Variants in MGAT4C observed in about 807,000 individuals in gnomAD.
The protein encoded by MGAT4C is alpha-1,3-mannosyl-glycoprotein 4-beta-N-acetylglucosaminyltransferase C.
Under a neutral mutation model 40.1 loss-of-function variants are expected in MGAT4C, and 19 were observed. That is an observed-to-expected ratio of 0.47 (90% CI 0.33 to 0.70). The LOEUF (loss-of-function observed/expected upper bound fraction) is 0.70, where lower values mean the gene tolerates loss of function less well. Ranked by LOEUF, MGAT4C falls within the 30% of genes least tolerant of loss-of-function variation. The pLI, the probability that MGAT4C is intolerant of heterozygous loss-of-function variation, is 0.02. For missense variants in MGAT4C, 491 were observed against 563.2 expected, an observed-to-expected ratio of 0.87 and a Z score of 1.30; for synonymous variants, 181 against 187.1, an observed-to-expected ratio of 0.97 and a Z score of 0.27.
intron 1 of MGAT4C, among the ~76,000 whole-genome samples, chr12:86,240,016 T>TA (rs1302243229): frequency 6.9e-5 from 7 of 101,584 alleles, no homozygotes; most frequent in Non-Finnish European, 1.3e-4. Context: ...CCCTAAAACT[T>TA]AGAGTATAAT....
At chr12:86,207,454 C>CA (rs1950301133) in intron 1 of MGAT4C, among the ~76,000 whole-genome samples, 1 of 151,960 alleles carries the variant, frequency 6.6e-6, no homozygotes, top group Non-Finnish European at 1.5e-5. Flanking sequence ...CCTCGACCCC[C>CA]CGACAGGCCT....
intron 1 of MGAT4C, among the ~76,000 whole-genome samples, chr12:86,759,837 G>A (rs1398524013): frequency 1.3e-5 from 2 of 151,940 alleles, no homozygotes; most frequent in Non-Finnish European, 2.9e-5. Flanking sequence ...CATTGTGTAG[G>A]TTGCCTCTTT....
intron 1 of MGAT4C, among the ~76,000 whole-genome samples, chr12:86,818,647 G>A (rs1952648650): frequency 1.3e-5 from 2 of 148,778 alleles, no homozygotes; most frequent in Admixed American, 1.4e-4. Context: ...ATTCAACAGG[G>A]AAAAAAATAA....
chr12:86,599,597 G>A (rs937703052), intron 2 of MGAT4C: 5 of 152,110 alleles, frequency 3.3e-5, no homozygotes, highest in African/African-American at 1.2e-4. Context: ...GTGCTTTACA[G>A]TCTAAAGTAT....
intron 2 of MGAT4C, among the ~76,000 whole-genome samples, chr12:86,625,592 A>C (rs780799198): frequency 6.6e-6 from 1 of 152,130 alleles, no homozygotes; most frequent in Non-Finnish European, 1.5e-5. Context: ...ATGAATAAAG[A>C]GAATGAACAC....
chr12:86,304,827 G>T (rs1225629807), intron 4 of MGAT4C, among the ~76,000 whole-genome samples: 1 of 150,630 alleles, frequency 6.6e-6, no homozygotes, highest in Non-Finnish European at 1.5e-5. Flanking sequence ...GAATGCTGAA[G>T]ATGCAAGTCA....
chr12:86,358,588 A>G (rs558598086), intron 3 of MGAT4C, among the ~76,000 whole-genome samples: 77 of 152,334 alleles, frequency 5.1e-4, no homozygotes, highest in Non-Finnish European at 5.9e-5. Context: ...GGCCCATCTC[A>G]TGTGCAGAGA....
At chr12:86,191,632 A>AACACAC (rs61626246) in intron 1 of MGAT4C, among the ~76,000 whole-genome samples, 168 of 121,988 alleles carry the variant, frequency 1.4e-3, no homozygotes, top group Middle Eastern at 5.1e-3. Flanking sequence ...CAAAAAACAA[A>AACACAC]ACACACACAC....
At chr12:86,656,807 G>A (rs2136542581) in intron 2 of MGAT4C, among the ~76,000 whole-genome samples, 1 of 152,054 alleles carries the variant, frequency 6.6e-6, no homozygotes, top group African/African-American at 2.4e-5. Flanking sequence ...TGATACCTGA[G>A]AATTTAACTA....
At chr12:86,771,686 A>ATG (rs59917182) in intron 1 of MGAT4C, among the ~76,000 whole-genome samples, 5,079 of 146,758 alleles carry the variant, frequency 0.035, 105 homozygotes, top group Non-Finnish European at 0.042. Flanking sequence ...ATAAATATAT[A>ATG]TGTGTGTGTG....
intron 1 of MGAT4C, among the ~76,000 whole-genome samples, chr12:86,149,332 A>T (rs1883975846): frequency 6.6e-6 from 1 of 152,200 alleles, no homozygotes; most frequent in South Asian, 2.1e-4. Context: ...ATAATATTAA[A>T]GGAGATAAAT....
At chr12:86,640,586 T>C (rs1176113503) in intron 2 of MGAT4C, among the ~76,000 whole-genome samples, 1 of 152,092 alleles carries the variant, frequency 6.6e-6, no homozygotes, top group Non-Finnish European at 1.5e-5. Context: ...GAAGGGTTTT[T>C]TGAGTCTCTA....
At chr12:86,475,826 T>C (rs923653855) in intron 2 of MGAT4C, among the ~76,000 whole-genome samples, 26 of 152,198 alleles carry the variant, frequency 1.7e-4, no homozygotes, top group Admixed American at 3.9e-4. Flanking sequence ...TAAACTGTCA[T>C]GAATTTTAAA....
intron 2 of MGAT4C, among the ~76,000 whole-genome samples, chr12:86,545,777 GA>G (rs1176643445): frequency 4.8e-5 from 7 of 146,930 alleles, no homozygotes; most frequent in South Asian, 2.2e-4. Flanking sequence ...TTTTGGCCTA[GA>G]AAAAAAAACA....
chr12:86,034,746 C>T (rs772826388), intron 2 of MGAT4C, among the ~76,000 whole-genome samples: 2 of 149,262 alleles, frequency 1.3e-5, no homozygotes, highest in African/African-American at 2.4e-5. Context: ...GACACCCCAA[C>T]AGGTTCCGGT....
intron 1 of MGAT4C, among the ~76,000 whole-genome samples, chr12:86,794,556 T>G (rs1472510156): frequency 6.6e-6 from 1 of 151,764 alleles, no homozygotes; most frequent in Non-Finnish European, 1.5e-5. Context: ...TTACTCCCCT[T>G]AAAATACTGC....
chr12:86,739,799 C>A (rs1951039236), intron 1 of MGAT4C, among the ~76,000 whole-genome samples: 1 of 150,668 alleles, frequency 6.6e-6, no homozygotes, highest in East Asian at 2.0e-4. Flanking sequence ...TACTGAGGAA[C>A]AATTATTTTT....
chr12:86,641,114 C>G (rs1033375492), intron 2 of MGAT4C, among the ~76,000 whole-genome samples: 2 of 151,742 alleles, frequency 1.3e-5, no homozygotes, highest in Non-Finnish European at 2.9e-5. Flanking sequence ...GACTTGGAAC[C>G]AACCCAAATG....
At chr12:86,230,599 G>A (rs540807673) in intron 1 of MGAT4C, among the ~76,000 whole-genome samples, 18 of 152,142 alleles carry the variant, frequency 1.2e-4, no homozygotes, top group Non-Finnish European at 2.4e-4. Flanking sequence ...ATCAGAATTT[G>A]TCACAAAGGA....
Sources: allele counts gnomAD v4.1 joint callset (sites outside exome capture counted in the v4.1 genomes callset), GRCh38; gene constraint gnomAD v4.1.1; transcripts MANE v1.5; gene names NCBI Gene and HGNC (gene_info 2026-07-23, HGNC 2026-07-21).